Variants in CHD9 observed in about 807,000 individuals in gnomAD.
The protein encoded by CHD9 is chromodomain helicase DNA binding protein 9, also known as ATP-dependent chromatin remodeler CHD9.
A neutral mutation model predicts 316.1 loss-of-function variants in CHD9; 77 were observed. The observed-to-expected ratio is 0.24, with a 90% CI of 0.20 to 0.29. The LOEUF (loss-of-function observed/expected upper bound fraction) is 0.29, where lower values mean the gene tolerates loss of function less well. CHD9 is among the 10% of genes least tolerant of loss of function. The probability of loss-of-function intolerance (pLI) is 1.00; values close to 1 mark genes in which losing one functional copy is unlikely to be tolerated. For missense variants in CHD9, 2,763 were observed against 3,438.1 expected, an observed-to-expected ratio of 0.80 and a Z score of 4.91; for synonymous variants, 1,129 against 1,158.3, an observed-to-expected ratio of 0.97 and a Z score of 0.51.
At position 53,127,773 on chromosome 16, in the gene CHD9, T is replaced by A. The variant is rs527708175; in HGVS notation, c.-164-28153T>A. Among the ~76,000 whole-genome samples, 5 of 151,688 alleles carry A rather than the reference T, an allele frequency of 3.3e-5. No individual in the cohort carries two copies. In the South Asian group the frequency reaches 1.0e-3, roughly 32 times the overall value. Reference sequence around the variant, plus strand: ...CCGTCTCTGCTAAAAATACAAAAATTAGCTGGGTGTAGTGGTGCAGGCCTG... The same window carrying A: ...CCGTCTCTGCTAAAAATACAAAAATAAGCTGGGTGTAGTGGTGCAGGCCTG... On this transcript the variant is annotated intron_variant, in intron 1 of 38. Coordinates refer to ENST00000447540, the MANE Select transcript of CHD9 (RefSeq NM_001308319.2).
intron 1 of CHD9, among the ~76,000 whole-genome samples, chr16:53,066,528 A>C (rs1276690256): frequency 6.6e-6 from 1 of 152,204 alleles, no homozygotes; most frequent in Non-Finnish European, 1.5e-5. Flanking sequence ...GAGCTGAGAG[A>C]GACCTTGAGC....
In CHD9 at chr16:53,245,837, A is replaced by G. The variant is rs569747826; in HGVS notation, c.3441A>G (p.Pro1147=). Residue 1147 remains proline, a synonymous_variant, in exon 15 of 39, where the codon CCA becomes CCG. Coordinates refer to ENST00000447540, the MANE Select transcript of CHD9 (RefSeq NM_001308319.2). The surrounding 1 kb of genome is among the most constrained non-coding windows in gnomAD (Gnocchi z 4.1). ...MMELRKCCNH[P]YLIKGAEEKI... ...AGCTCAGGAAATGTTGTAATCATCC[A>G]TATCTTATAAAAGGTAGCTAAAAAA... is the stretch of plus-strand genomic sequence containing the variant. The G allele has an allele frequency of 2.0e-5, 31 of 1,520,170 alleles. No individual in the cohort carries two copies. In the African/African-American group the frequency reaches 3.4e-4, roughly 16 times the overall value. The allele number at this position is 1,520,170 out of a possible 1,614,324, so 94.2% of individuals were successfully genotyped here. A position where few individuals can be genotyped will look rare whatever the true frequency, so the allele number is the denominator to read the frequency against.
chr16:53,143,085 C>G (rs1288939112), intron 1 of CHD9, among the ~76,000 whole-genome samples: 1 of 152,178 alleles, frequency 6.6e-6, no homozygotes, highest in African/African-American at 2.4e-5. Flanking sequence ...TTCATGAGGG[C>G]AGAGGCCTCA....
Position 53,245,857 on chromosome 16 carries a change from A to T in CHD9, c.3454+7A>T. ...CATCCATATCTTATAAAAGGTAGCT[A>T]AAAAAGATTACAACAAATATGTTTT... On this transcript the variant is annotated splice_region_variant and intron_variant, in intron 15 of 38. Coordinates refer to ENST00000447540, the MANE Select transcript of CHD9 (RefSeq NM_001308319.2). This position sits in a 1 kb window ranked among gnomAD's most constrained non-coding sequence, Gnocchi z 4.1. 2 of 1,478,704 alleles carry T rather than the reference A, an allele frequency of 1.4e-6. No individual in the cohort carries two copies. Among genetic ancestry groups the T allele is most frequent in the Non-Finnish European group, 9.0e-7 (1 of 1,114,048 alleles). 91.6% of individuals were successfully genotyped at this position (1,478,704 alleles called of 1,614,324 possible). A position where few individuals can be genotyped will look rare whatever the true frequency, so the allele number is the denominator to read the frequency against.
rs2055991917 is a variant in CHD9 at position 53,306,528 on chromosome 16, C to G, written c.6780+131C>G. 6.3e-6 allele frequency: 4 copies of G among 632,944 alleles called. No homozygotes were observed. In the Admixed American group the frequency reaches 1.2e-4, roughly 18 times the overall value. 39.2% of individuals were successfully genotyped at this position (632,944 alleles called of 1,614,324 possible). ...GTAGGATGACATTTTGGTGTTAGCT[C>G]CAAAAGTATAAATTACTGCTATCAA... On this transcript the variant is annotated intron_variant, in intron 32 of 38. Coordinates refer to ENST00000447540, the MANE Select transcript of CHD9 (RefSeq NM_001308319.2).
intron 1 of CHD9, among the ~76,000 whole-genome samples, chr16:53,133,766 G>A (rs2039510330): frequency 6.6e-6 from 1 of 152,134 alleles, no homozygotes. Flanking sequence ...TTTCAACTTG[G>A]AAGTATCTTT....
At chr16:53,302,366 T>A (rs1209181512) in intron 30 of CHD9, among the ~76,000 whole-genome samples, 1 of 152,218 alleles carries the variant, frequency 6.6e-6, no homozygotes, top group Non-Finnish European at 1.5e-5. Context: ...TGTTGTTACA[T>A]GACTGGATTG....
At chr16:53,253,786 T>TA (rs913122663) in intron 17 of CHD9, among the ~76,000 whole-genome samples, 6 of 151,742 alleles carry the variant, frequency 4.0e-5, no homozygotes, top group Admixed American at 6.6e-5. Flanking sequence ...TCCCCATGTC[T>TA]AAAAAAAACA....
intron 10 of CHD9, 107 bp from the exon 11 acceptor site, chr16:53,235,078 C>A (rs2048506717): frequency 2.6e-6 from 2 of 766,582 alleles, no homozygotes; most frequent in Non-Finnish European, 4.0e-6. Flanking sequence ...AATCATAACA[C>A]TGTACACTGT....
At chr16:53,146,245 TAGTC>T (rs949901217) in intron 1 of CHD9, among the ~76,000 whole-genome samples, 4 of 121,156 alleles carry the variant, frequency 3.3e-5, no homozygotes, top group Non-Finnish European at 5.4e-5. Context: ...AAAAAAAAAT[TAGTC>T]GGGCATTGTG....
intron 1 of CHD9, among the ~76,000 whole-genome samples, chr16:53,072,170 GGAA>G (rs1384051563): frequency 4.6e-5 from 7 of 151,892 alleles, no homozygotes; most frequent in Admixed American, 4.6e-4. Flanking sequence ...ATCCCCAGCC[GGAA>G]GCCCCCCTCT....
At chr16:53,179,179 A>T (rs1041282378) in intron 2 of CHD9, among the ~76,000 whole-genome samples, 4 of 152,176 alleles carry the variant, frequency 2.6e-5, no homozygotes, top group Non-Finnish European at 5.9e-5. Context: ...ATGAGACTTT[A>T]CCTCTAACTA....
At position 53,157,417 on chromosome 16, in the gene CHD9, A is replaced by G. The variant is rs772020962; in HGVS notation, c.1328A>G (p.His443Arg). 7.4e-6 allele frequency: 12 copies of G among 1,613,904 alleles called. No homozygotes were observed. Among genetic ancestry groups the G allele is most frequent in the Non-Finnish European group, 9.3e-6 (11 of 1,179,892 alleles). ...GACCTTGATCGGCAGTTTACTTCGC[A>G]TCTGGTAACACGGCCTTCTGATATG... Reference protein sequence around the residue: ...DHDLDRQFTSHLVTRPSDMAQ... With the variant: ...DHDLDRQFTSRLVTRPSDMAQ... The change falls in exon 2 of 39, where the codon CAT (histidine) becomes CGT (arginine). Residue 443 changes from histidine (H) to arginine (R), a missense_variant. Transcript: ENST00000447540.
chr16:53,202,137 C>T (rs765259746), intron 2 of CHD9, among the ~76,000 whole-genome samples: 36 of 152,132 alleles, frequency 2.4e-4, no homozygotes, highest in Non-Finnish European at 4.6e-4. Flanking sequence ...TCTGGGATTA[C>T]AGGCATGAGC....
intron 1 of CHD9, among the ~76,000 whole-genome samples, chr16:53,148,573 T>G (rs1301110901): frequency 6.6e-6 from 1 of 152,252 alleles, no homozygotes; most frequent in Non-Finnish European, 1.5e-5. Flanking sequence ...CATTGTGATT[T>G]CTGTTTGTGT....
chr16:53,254,658 T>A (rs981876550), intron 18 of CHD9, 53 bp downstream of exon 18: 25 of 1,508,874 alleles, frequency 1.7e-5, no homozygotes, highest in Non-Finnish European at 2.1e-5. Flanking sequence ...TGCATTTGAT[T>A]TTACCTCCAA....
intron 2 of CHD9, among the ~76,000 whole-genome samples, chr16:53,159,640 C>T (rs2041772072): frequency 6.6e-6 from 1 of 152,102 alleles, no homozygotes; most frequent in Non-Finnish European, 1.5e-5. Context: ...GAAGGAGTCT[C>T]ACTCTGTCTC....
chr16:53,208,369 TG>T, intron 2 of CHD9: 1 of 1,278,340 alleles, frequency 7.8e-7, no homozygotes, highest in Non-Finnish European at 1.0e-6. Context: ...CCTGAATGAG[TG>T]GGAGGAGGAG....
intron 1 of CHD9, among the ~76,000 whole-genome samples, chr16:53,092,983 C>T (rs2036079422): frequency 6.6e-6 from 1 of 152,256 alleles, no homozygotes; most frequent in East Asian, 1.9e-4. Context: ...CTCACTATGT[C>T]GCCAGGGCTG....
Sources: allele counts gnomAD v4.1 joint callset (sites outside exome capture counted in the v4.1 genomes callset), GRCh38; gene constraint gnomAD v4.1.1; non-coding constraint Gnocchi (gnomAD v3.1); transcripts MANE v1.5; gene names NCBI Gene and HGNC (gene_info 2026-07-23, HGNC 2026-07-21).